Variants in DENND2B observed in about 807,000 individuals in gnomAD.
DENND2B encodes the protein DENN domain containing 2B.
In DENND2B, 32 loss-of-function variants were observed where a neutral mutation model predicts 116.0. That is an observed-to-expected ratio of 0.28 (90% CI 0.21 to 0.37). The LOEUF is 0.37. DENND2B is among the 10% of genes least tolerant of loss of function. DENND2B has a pLI of 1.00. For synonymous variants in DENND2B, 588 were observed against 583.9 expected (o/e 1.01, Z -0.10); for missense variants, 1,276 against 1,477.7 (o/e 0.86, Z 2.24).
chr11:8,693,998 G>T lies in DENND2B; in HGVS notation c.*98C>A. The T allele has an allele frequency of 7.5e-7, 1 of 1,331,236 alleles. No individual in the cohort carries two copies. Among genetic ancestry groups the T allele is most frequent in the Non-Finnish European group, 1.1e-6 (1 of 940,676 alleles). The allele number at this position is 1,331,236 out of a possible 1,614,324, so 82.5% of individuals were successfully genotyped here. On this transcript the variant is annotated 3_prime_UTR_variant, in exon 20 of 20. Transcript: ENST00000313726. Reference sequence around the variant, plus strand: ...TGGCTTGGAGGATAGGATCTGTGGGGGCAGAGGAGCCACAGCAGCCCAGAG... The same window carrying T: ...TGGCTTGGAGGATAGGATCTGTGGGTGCAGAGGAGCCACAGCAGCCCAGAG...
intron 1 of DENND2B, among the ~76,000 whole-genome samples, chr11:8,890,440 T>C (rs944530072): frequency 2.6e-5 from 4 of 152,148 alleles, no homozygotes; most frequent in African/African-American, 9.7e-5. Flanking sequence ...ATCAAACTTC[T>C]CTGAGCTAAA....
intron 1 of DENND2B, among the ~76,000 whole-genome samples, chr11:8,761,485 G>C (rs1028739712): frequency 2.0e-5 from 3 of 152,202 alleles, no homozygotes; most frequent in Non-Finnish European, 4.4e-5. Flanking sequence ...TCCTATCTTA[G>C]AGCAGCACCT....
At chr11:8,797,426 AT>A (rs778926981) in intron 1 of DENND2B, among the ~76,000 whole-genome samples, 3 of 148,678 alleles carry the variant, frequency 2.0e-5, no homozygotes, top group African/African-American at 4.9e-5. Context: ...TCATATTCTT[AT>A]CCCCTTCCCC....
intron 13 of DENND2B, among the ~76,000 whole-genome samples, chr11:8,705,469 G>A (rs1025386514): frequency 6.6e-6 from 1 of 152,142 alleles, no homozygotes; most frequent in Admixed American, 6.5e-5. Context: ...CCTCTCCTGA[G>A]TGTTCCTCTC....
In DENND2B at chr11:8,699,202, C is replaced by CG. The variant is rs762748518; in HGVS notation, c.2898+10dup. 6.5e-7 allele frequency: 1 copy of CG among 1,548,198 alleles called. No individual in the cohort carries two copies. The highest frequency in any genetic ancestry group is 2.3e-5 in the East Asian group (1 of 44,338). ...CACCCTTCCCCCCAGCTGGTTCCCCCGGTGGCCCACCTCCTCCACAGGCAG... is the reference window on the plus strand; with the variant it reads ...CACCCTTCCCCCCAGCTGGTTCCCCCGGGTGGCCCACCTCCTCCACAGGCAG... On this transcript the variant is annotated intron_variant, in intron 15 of 19. Transcript: ENST00000313726.
chr11:8,805,832 C>T (rs2060790697), intron 1 of DENND2B, among the ~76,000 whole-genome samples: 1 of 152,172 alleles, frequency 6.6e-6, no homozygotes, highest in Admixed American at 6.5e-5. Context: ...CTGCGTTCCT[C>T]CCCAGCTCTT....
At chr11:8,695,597 G>A (rs551419780) in intron 18 of DENND2B, 48 bp from the exon 19 acceptor site, 1 of 1,537,196 alleles carries the variant, frequency 6.5e-7, no homozygotes, top group South Asian at 1.1e-5. Flanking sequence ...ATTGGAGGAA[G>A]GGAAGGAGAG....
intron 2 of DENND2B, among the ~76,000 whole-genome samples, chr11:8,863,257 CTTTT>C (rs56359289): frequency 8.0e-6 from 1 of 124,516 alleles, no homozygotes; most frequent in Non-Finnish European, 1.7e-5. Context: ...ACGCCACTTT[CTTTT>C]TTTTTTTTTT....
intron 1 of DENND2B, among the ~76,000 whole-genome samples, chr11:8,881,959 C>A (rs1000650082): frequency 6.6e-6 from 1 of 151,946 alleles, no homozygotes; most frequent in Non-Finnish European, 1.5e-5. Flanking sequence ...TTTTCACTGG[C>A]CTTCATTTAC....
intron 1 of DENND2B, among the ~76,000 whole-genome samples, chr11:8,793,708 T>C (rs779298983): frequency 2.0e-5 from 3 of 152,180 alleles, no homozygotes; most frequent in Non-Finnish European, 4.4e-5. Flanking sequence ...TTGTTTTCAA[T>C]TATTTTGGGC....
intron 4 of DENND2B, among the ~76,000 whole-genome samples, chr11:8,827,931 T>A (rs2062041351): frequency 2.0e-5 from 3 of 152,218 alleles, no homozygotes; most frequent in Non-Finnish European, 4.4e-5. Context: ...GTAATCCATT[T>A]CCTCCTTAAA....
rs1185566279 is a variant in DENND2B at position 8,699,368 on chromosome 11, C to T, written c.2743G>A (p.Ala915Thr). Residue 915 changes from alanine (A) to threonine (T), a missense_variant, in exon 15 of 20, where the codon GCG becomes ACG. This residue lies in a region of DENND2B where 420 missense variants were observed against 631.1 expected (regional missense o/e 0.67). Coordinates refer to ENST00000313726, the MANE Select transcript of DENND2B (RefSeq NM_213618.2). Reference protein sequence around the residue: ...KLSTLSSCSHAVVALLYPFSW... With the variant: ...KLSTLSSCSHTVVALLYPFSW... Reference sequence around the variant, plus strand: ...AAGGGGTAGAGCAAGGCCACCACCGCGTGGGAGCAGCTGGAGAGGGTACTG... The same window carrying T: ...AAGGGGTAGAGCAAGGCCACCACCGTGTGGGAGCAGCTGGAGAGGGTACTG... The T allele has an allele frequency of 1.9e-6, 3 of 1,604,618 alleles. No homozygotes were observed. Among genetic ancestry groups the T allele is most frequent in the South Asian group, 1.1e-5 (1 of 89,942 alleles).
intron 2 of DENND2B, among the ~76,000 whole-genome samples, chr11:8,743,329 C>A (rs572087482): frequency 1.7e-4 from 26 of 152,108 alleles, no homozygotes; most frequent in African/African-American, 6.3e-4. Flanking sequence ...GCGGGTGGAT[C>A]ACCTGAGGTC....
rs1192063763 is a variant in DENND2B at position 8,735,659 on chromosome 11, T to C, written c.81-4450A>G. Among the ~76,000 whole-genome samples, 3 of 152,238 alleles carry C rather than the reference T, an allele frequency of 2.0e-5. 1 individual carries two copies. The highest frequency in any genetic ancestry group is 7.2e-5 in the African/African-American group (3 of 41,466). On this transcript the variant is annotated intron_variant, in intron 2 of 19. Coordinates refer to ENST00000313726, the MANE Select transcript of DENND2B (RefSeq NM_213618.2). ...TCTCTCTCACTACTACAGGCTCTGA[T>C]GCTCTTATGGGGGCACCCCCTGGAA...
chr11:8,841,165 C>T (rs1195484165), intron 3 of DENND2B, among the ~76,000 whole-genome samples: 1 of 152,074 alleles, frequency 6.6e-6, no homozygotes, highest in Admixed American at 6.6e-5. Flanking sequence ...GTCTTATTAG[C>T]CCATTTTCTT....
chr11:8,720,432 C>A (rs1305004868), intron 4 of DENND2B, among the ~76,000 whole-genome samples: 1 of 152,232 alleles, frequency 6.6e-6, no homozygotes, highest in Non-Finnish European at 1.5e-5. Flanking sequence ...AAACAGCCAG[C>A]AACATCAGGT....
At chr11:8,740,914 G>A (rs2050083635) in intron 2 of DENND2B, among the ~76,000 whole-genome samples, 4 of 152,168 alleles carry the variant, frequency 2.6e-5, no homozygotes, top group South Asian at 4.1e-4. Flanking sequence ...GAGGAAGAGT[G>A]CCTCAGTCAG....
At chr11:8,858,207 A>G (rs541132805) in intron 2 of DENND2B, among the ~76,000 whole-genome samples, 4 of 152,356 alleles carry the variant, frequency 2.6e-5, no homozygotes, top group South Asian at 4.1e-4. Flanking sequence ...GATACCATTT[A>G]GTCATTTATT....
intron 1 of DENND2B, among the ~76,000 whole-genome samples, chr11:8,887,014 G>A (rs1433611019): frequency 1.3e-5 from 2 of 152,076 alleles, no homozygotes; most frequent in Non-Finnish European, 2.9e-5. Context: ...TTTTAGTAGA[G>A]ATGGGGTTTC....
Sources: allele counts gnomAD v4.1 joint callset (sites outside exome capture counted in the v4.1 genomes callset), GRCh38; gene constraint gnomAD v4.1.1; regional missense constraint gnomAD v4.1.1; transcripts MANE v1.5; gene names NCBI Gene and HGNC (gene_info 2026-07-23, HGNC 2026-07-21).